Variants in PLD5 observed in about 807,000 individuals in gnomAD.
PLD5 encodes the protein inactive phospholipase D5.
In PLD5, 36 loss-of-function variants were observed where a neutral mutation model predicts 61.1. The ratio of observed to expected loss-of-function variants is 0.59; its 90% confidence interval spans 0.45 to 0.78. The LOEUF (loss-of-function observed/expected upper bound fraction) is 0.78, where lower values mean the gene tolerates loss of function less well. PLD5 is among the 30% of genes least tolerant of loss of function. PLD5 has a pLI of 0.00. For missense variants in PLD5, 515 were observed against 644.4 expected, an observed-to-expected ratio of 0.80 and a Z score of 2.17; for synonymous variants, 243 against 242.8, an observed-to-expected ratio of 1.00 and a Z score of -0.01.
intron 1 of PLD5, among the ~76,000 whole-genome samples, chr1:242,430,598 C>T (rs1433993363): frequency 1.3e-5 from 2 of 152,174 alleles, no homozygotes; most frequent in African/African-American, 4.8e-5. Context: ...ACCCCTTACT[C>T]CTACTCCTAG....
chr1:242,243,405 A>G (rs1334007139), intron 4 of PLD5, among the ~76,000 whole-genome samples: 1 of 152,196 alleles, frequency 6.6e-6, no homozygotes, highest in African/African-American at 2.4e-5. Flanking sequence ...GACATAGGGT[A>G]TATCCTGGGA....
At chr1:242,437,385 T>C (rs1666047448) in intron 1 of PLD5, among the ~76,000 whole-genome samples, 1 of 152,166 alleles carries the variant, frequency 6.6e-6, no homozygotes, top group Non-Finnish European at 1.5e-5. Flanking sequence ...TTTACCCTCC[T>C]AGCTCTGGTC....
intron 5 of PLD5, among the ~76,000 whole-genome samples, chr1:242,194,977 G>A (rs974329807): frequency 6.6e-6 from 1 of 151,896 alleles, no homozygotes; most frequent in Non-Finnish European, 1.5e-5. Context: ...CATCACTAAA[G>A]AATTTACTCA....
At chr1:242,493,370 A>T (rs930099699) in intron 1 of PLD5, among the ~76,000 whole-genome samples, 1 of 152,150 alleles carries the variant, frequency 6.6e-6, no homozygotes, top group Non-Finnish European at 1.5e-5. Flanking sequence ...CTTCATGCTG[A>T]AGCCTCGACA....
In PLD5 at chr1:242,251,943, G is replaced by A. The variant is rs1574612955; in HGVS notation, c.607+13394C>T. ...ACTGGGATAGAGCACTGTGATGGGA[G>A]AGTCCCAGGCTGATAGCCTCTAGTT... On this transcript the variant is annotated intron_variant, in intron 4 of 9. Transcript: ENST00000536534. 2.0e-5 allele frequency among the ~76,000 whole-genome samples: 3 copies of A among 152,300 alleles called. No individual in the cohort carries two copies. In the South Asian group the frequency reaches 6.2e-4, roughly 32 times the overall value.
At chr1:242,322,203 C>A (rs1658460655) in intron 2 of PLD5, among the ~76,000 whole-genome samples, 1 of 152,158 alleles carries the variant, frequency 6.6e-6, no homozygotes, top group Non-Finnish European at 1.5e-5. Context: ...ACTAGGCATA[C>A]CATACATTCT....
At chr1:242,403,453 C>G (rs1379879642) in intron 1 of PLD5, among the ~76,000 whole-genome samples, 1 of 150,530 alleles carries the variant, frequency 6.6e-6, no homozygotes, top group Non-Finnish European at 1.5e-5. Context: ...TTCTCCCCAT[C>G]AGTTCTTGGA....
chr1:242,416,489 A>T (rs1572104753), intron 1 of PLD5, among the ~76,000 whole-genome samples: 1 of 152,172 alleles, frequency 6.6e-6, no homozygotes, highest in Non-Finnish European at 1.5e-5. Flanking sequence ...GAAGCCTAGG[A>T]TCTCTTAGTT....
At chr1:242,346,650 C>T (rs1305050141) in intron 2 of PLD5, among the ~76,000 whole-genome samples, 2 of 151,650 alleles carry the variant, frequency 1.3e-5, no homozygotes, top group Non-Finnish European at 2.9e-5. Context: ...TTTTTATTTC[C>T]AGCTTTTAAG....
At chr1:242,156,657 T>C (rs1665394289) in intron 5 of PLD5, among the ~76,000 whole-genome samples, 1 of 152,176 alleles carries the variant, frequency 6.6e-6, no homozygotes, top group Non-Finnish European at 1.5e-5. Flanking sequence ...AATTATTTTC[T>C]TTAAGAATGT....
rs1574268595 is a variant in PLD5, at chr1:242,088,108, T to G, written c.*1746A>C. The G allele has an allele frequency of 6.6e-6, 1 of 152,200 alleles. No homozygotes were observed. The highest frequency in any genetic ancestry group is 2.4e-5 in the African/African-American group (1 of 41,450). The allele number at this position is 152,200 out of a possible 1,614,324, so 9.4% of individuals were successfully genotyped here. The stretch of plus-strand genomic sequence containing the variant: ...AGGCTCCTCGATCACTCTTTTGGCA[T>G]TTAGAAATCAAGTCTCCAGAAATGA... On this transcript the variant is annotated 3_prime_UTR_variant, in exon 10 of 10. Coordinates refer to ENST00000536534, the MANE Select transcript of PLD5 (RefSeq NM_001372062.1).
rs118169584 is a variant in PLD5, at chr1:242,213,640, C to A, written c.735+6348G>T. Among the ~76,000 whole-genome samples the A allele has an allele frequency of 3.3e-3, 502 of 151,894 alleles. 20 individuals carry two copies. The East Asian group carries it at 0.059, about 18-fold the overall frequency. ...CATTCCGACTTATAAGCTGCAAAAC[C>A]TGTTGTCTATCTTAAAGGGCAATAC... On this transcript the variant is annotated intron_variant, in intron 5 of 9. Coordinates refer to ENST00000536534, the MANE Select transcript of PLD5 (RefSeq NM_001372062.1).
chr1:242,229,756 T>G (rs1671177829), intron 4 of PLD5, among the ~76,000 whole-genome samples: 1 of 152,216 alleles, frequency 6.6e-6, no homozygotes, highest in African/African-American at 2.4e-5. Flanking sequence ...CCGCTATTAC[T>G]TCTTGTATTT....
At chr1:242,160,677 G>C (rs1665749960) in intron 5 of PLD5, among the ~76,000 whole-genome samples, 1 of 152,064 alleles carries the variant, frequency 6.6e-6, no homozygotes, top group Non-Finnish European at 1.5e-5. Flanking sequence ...ATGAGGTCAG[G>C]AGTTTGAGAC....
At chr1:242,473,541 A>G (rs1489066418) in intron 1 of PLD5, among the ~76,000 whole-genome samples, 3 of 152,240 alleles carry the variant, frequency 2.0e-5, no homozygotes, top group African/African-American at 4.8e-5. Flanking sequence ...AAACATGAGT[A>G]TAGGTATGCT....
rs34280777 is a variant in PLD5 at position 242,168,846 on chromosome 1, G to GTTTTT, written c.736-44186_736-44182dup. Among the ~76,000 whole-genome samples, 31 of 111,278 alleles carry GTTTTT rather than the reference G, an allele frequency of 2.8e-4. 2 individuals carry two copies. The highest frequency in any genetic ancestry group is 3.4e-4 in the African/African-American group (9 of 26,792). 73.0% of individuals were successfully genotyped at this position (111,278 alleles called of 152,430 possible). A position where few individuals can be genotyped will look rare whatever the true frequency, so the allele number is the denominator to read the frequency against. On this transcript the variant is annotated intron_variant, in intron 5 of 9. Coordinates refer to ENST00000536534, the MANE Select transcript of PLD5 (RefSeq NM_001372062.1). Reference sequence around the variant, plus strand: ...TCCATGACAGTTTTTAATTAATGAAGTTTTTTTTTTTTTTTTTTTTACCAC... The same window carrying GTTTTT: ...TCCATGACAGTTTTTAATTAATGAAGTTTTTTTTTTTTTTTTTTTTTTTTTACCAC...
At chr1:242,335,790 A>G (rs1246637658) in intron 2 of PLD5, among the ~76,000 whole-genome samples, 1 of 152,218 alleles carries the variant, frequency 6.6e-6, no homozygotes, top group Non-Finnish European at 1.5e-5. Flanking sequence ...ATGTTCTATG[A>G]AGGTAAAACA....
At chr1:242,309,642 G>C (rs369099048) in intron 2 of PLD5, among the ~76,000 whole-genome samples, 3 of 149,090 alleles carry the variant, frequency 2.0e-5, no homozygotes, top group African/African-American at 7.3e-5. Flanking sequence ...CCAAAGTGCT[G>C]GGATTACAGG....
intron 6 of PLD5, among the ~76,000 whole-genome samples, chr1:242,123,428 G>A (rs899905468): frequency 7.9e-5 from 12 of 152,114 alleles, no homozygotes; most frequent in African/African-American, 2.4e-4. Flanking sequence ...AGAGCCCCTC[G>A]CAGCCGGGAC....
Sources: gnomAD v4.1 joint callset for allele counts (sites outside exome capture counted in the v4.1 genomes callset) on GRCh38, gnomAD v4.1.1 for gene constraint, MANE v1.5 for transcripts, NCBI Gene and HGNC (gene_info 2026-07-23, HGNC 2026-07-21) for gene names.